The following GRK4 variants were observed in gnomAD, a reference collection of about 807,000 sequenced individuals.
The protein encoded by GRK4 is G protein-coupled receptor kinase 4, also known as G protein-coupled receptor kinase 2-like.
GRK4 carries 73 observed loss-of-function variants against 77.9 expected under a neutral mutation model. That is an observed-to-expected ratio of 0.94 (90% CI 0.78 to 1.14). The LOEUF (loss-of-function observed/expected upper bound fraction) is 1.14, where lower values mean the gene tolerates loss of function less well. GRK4 is among the 50% of genes most tolerant of loss of function. The probability of loss-of-function intolerance (pLI) is 0.00; values close to 1 mark genes in which losing one functional copy is unlikely to be tolerated. For missense variants in GRK4, 729 were observed against 700.2 expected (o/e 1.04, Z -0.46); for synonymous variants, 257 against 254.4 (o/e 1.01, Z -0.10).
intron 4 of GRK4, among the ~76,000 whole-genome samples, chr4:2,998,463 A>G (rs1398641037): frequency 1.3e-5 from 2 of 152,212 alleles, no homozygotes; most frequent in Non-Finnish European, 2.9e-5. Flanking sequence ...ATTCACACAT[A>G]CACACATAAA....
chr4:2,977,006 G>T (rs370676681), intron 1 of GRK4, among the ~76,000 whole-genome samples: 1 of 152,210 alleles, frequency 6.6e-6, no homozygotes, highest in Non-Finnish European at 1.5e-5. Flanking sequence ...AGCAGTATGG[G>T]TGGGAAAACC....
At chr4:3,014,721 TG>T (rs1438949808) in intron 8 of GRK4, among the ~76,000 whole-genome samples, 2 of 151,870 alleles carry the variant, frequency 1.3e-5, no homozygotes, top group Non-Finnish European at 2.9e-5. Flanking sequence ...CACTTGAACC[TG>T]GGAGGCGGAG....
intron 1 of GRK4, among the ~76,000 whole-genome samples, chr4:2,977,022 C>G (rs1306709177): frequency 6.6e-6 from 1 of 152,212 alleles, no homozygotes; most frequent in Admixed American, 6.5e-5. Flanking sequence ...AAACCACACC[C>G]CTGATCTGCT....
rs1306848638 is a variant in GRK4, at chr4:2,964,134, G to A, written c.52+12G>A. The A allele has an allele frequency of 1.3e-6, 2 of 1,588,282 alleles. No homozygotes were observed. Among genetic ancestry groups the A allele is most frequent in the Admixed American group, 3.6e-5 (2 of 55,944 alleles). On this transcript the variant is annotated intron_variant, in intron 1 of 15. Transcript: ENST00000398052. ...GAAAGCGCGTCAAGGTGGGTGCGCGGCAGGCGCCCCCGACCCCCCCCCCAG... is the reference window on the plus strand; with the variant it reads ...GAAAGCGCGTCAAGGTGGGTGCGCGACAGGCGCCCCCGACCCCCCCCCCAG...
intron 9 of GRK4, 85 bp from the exon 10 acceptor site, chr4:3,022,329 C>A: frequency 7.4e-7 from 1 of 1,346,394 alleles, no homozygotes; most frequent in Non-Finnish European, 1.1e-6. Context: ...CTAGCCCTTG[C>A]TCACGCTGGT....
intron 4 of GRK4, among the ~76,000 whole-genome samples, chr4:2,998,713 A>G (rs1478403492): frequency 6.6e-6 from 1 of 152,180 alleles, no homozygotes; most frequent in Non-Finnish European, 1.5e-5. Flanking sequence ...ATTAAAGAAG[A>G]TCTCAAGAAA....
chr4:3,028,247 G>A (rs569126539), intron 11 of GRK4, among the ~76,000 whole-genome samples: 1 of 152,308 alleles, frequency 6.6e-6, no homozygotes, highest in African/African-American at 2.4e-5. Context: ...GTCACTCAGC[G>A]AAGTGAGGGC....
At position 3,040,733 on chromosome 4, in the gene GRK4, T is replaced by G. The variant is rs571283788; in HGVS notation, c.*108T>G. On this transcript the variant is annotated 3_prime_UTR_variant, in exon 16 of 16. Transcript: ENST00000398052. ...AAATACATCTAAATAAAACATGCCT[T>G]GGGAGTGTACAGACCTTTCTGCACT... The G allele has an allele frequency of 3.5e-6, 3 of 862,170 alleles. No homozygotes were observed. In the Admixed American group the frequency reaches 6.9e-5, roughly 20 times the overall value. The allele number at this position is 862,170 out of a possible 1,614,324, so 53.4% of individuals were successfully genotyped here.
In GRK4 at chr4:2,996,654, A is replaced by C. The variant is rs563875903; in HGVS notation, c.339+4362A>C. ...CTTTGTGGGGGATAGACAAATGTTT[A>C]GATAATAGCACTTGGTAATAGAGAG... On this transcript the variant is annotated intron_variant, in intron 4 of 15. Coordinates refer to ENST00000398052, the MANE Select transcript of GRK4 (RefSeq NM_182982.3). Among the ~76,000 whole-genome samples, 47 of 152,090 alleles carry C rather than the reference A, an allele frequency of 3.1e-4. No homozygotes were observed. In the South Asian group the frequency reaches 9.5e-3, roughly 31 times the overall value.
chr4:3,037,369 C>T lies in GRK4; in HGVS notation c.1408-5C>T, dbSNP rs749023524. The T allele has an allele frequency of 1.3e-5, 20 of 1,584,768 alleles. No homozygotes were observed. The South Asian group carries it at 2.0e-4, about 16-fold the overall frequency. Reference sequence around the variant, plus strand: ...TCAGAGGCTGCCCCTGTTCTTGCTACACAGCCTCATGCCGTTTACTGTAAG... The same window carrying T: ...TCAGAGGCTGCCCCTGTTCTTGCTATACAGCCTCATGCCGTTTACTGTAAG... On this transcript the variant is annotated splice_region_variant and splice_polypyrimidine_tract_variant and intron_variant, in intron 13 of 15. Coordinates refer to ENST00000398052, the MANE Select transcript of GRK4 (RefSeq NM_182982.3).
intron 4 of GRK4, among the ~76,000 whole-genome samples, chr4:3,000,122 C>A (rs1176849499): frequency 6.6e-6 from 1 of 152,118 alleles, no homozygotes; most frequent in African/African-American, 2.4e-5. Context: ...CTGGTAACTA[C>A]TTATTCTGAA....
At chr4:3,020,230 T>G (rs1735687443) in intron 9 of GRK4, among the ~76,000 whole-genome samples, 1 of 152,168 alleles carries the variant, frequency 6.6e-6, no homozygotes, top group African/African-American at 2.4e-5. Flanking sequence ...GGTCTCGATC[T>G]CCTGACCTCA....
intron 1 of GRK4, among the ~76,000 whole-genome samples, chr4:2,970,217 G>T (rs537112136): frequency 3.3e-5 from 5 of 152,266 alleles, no homozygotes; most frequent in South Asian, 4.1e-4. Flanking sequence ...AACCAGGTCA[G>T]TTTGGTTTTC....
intron 10 of GRK4, among the ~76,000 whole-genome samples, chr4:3,024,416 C>G (rs1448934703): frequency 3.9e-5 from 6 of 152,122 alleles, no homozygotes; most frequent in African/African-American, 1.4e-4. Context: ...GCATGCACCA[C>G]CACATCCAGC....
chr4:3,025,973 C>T (rs544677647), intron 10 of GRK4, among the ~76,000 whole-genome samples: 9 of 152,374 alleles, frequency 5.9e-5, no homozygotes, highest in South Asian at 4.1e-4. Context: ...CACTCATGGA[C>T]GGCTTCCGTC....
rs750460440 is a variant in GRK4, at chr4:3,007,824, G to C, written c.532G>C (p.Glu178Gln). The change falls in exon 6 of 16, where the codon GAA becomes CAA. Residue 178 changes from glutamate (E) to glutamine (Q), a missense_variant. Coordinates refer to ENST00000398052, the MANE Select transcript of GRK4 (RefSeq NM_182982.3). ...FSQFLQWKWL[E>Q]RQPVTKNTFR... ...TCAGTTTTTACAATGGAAATGGCTG[G>C]AAAGGTATGTACTGATTTTAAACTT... is the stretch of plus-strand genomic sequence containing the variant. 11 of 1,606,886 alleles carry C rather than the reference G, an allele frequency of 6.8e-6. No homozygotes were observed. The highest frequency in any genetic ancestry group is 9.4e-6 in the Non-Finnish European group (11 of 1,174,960).
chr4:3,029,784 C>T (rs1269984287), intron 12 of GRK4, among the ~76,000 whole-genome samples: 3 of 152,196 alleles, frequency 2.0e-5, no homozygotes, highest in Admixed American at 6.5e-5. Flanking sequence ...AGGGAGGACA[C>T]GTTTGCTTAG....
intron 4 of GRK4, among the ~76,000 whole-genome samples, chr4:2,999,910 A>G (rs1227148511): frequency 6.6e-6 from 1 of 152,226 alleles, no homozygotes; most frequent in Non-Finnish European, 1.5e-5. Flanking sequence ...CAGAATATAT[A>G]AATAACTCTT....
intron 12 of GRK4, among the ~76,000 whole-genome samples, chr4:3,029,723 G>A (rs973564464): frequency 6.6e-6 from 1 of 151,992 alleles, no homozygotes; most frequent in African/African-American, 2.4e-5. Flanking sequence ...GGCCCAGCAG[G>A]GAGGACACAT....
Sources: gnomAD v4.1 joint callset for allele counts (sites outside exome capture counted in the v4.1 genomes callset) on GRCh38, gnomAD v4.1.1 for gene constraint, MANE v1.5 for transcripts, NCBI Gene and HGNC (gene_info 2026-07-23, HGNC 2026-07-21) for gene names.